KIF6: variants seen among roughly 807,000 people sequenced by gnomAD.
KIF6 encodes the protein kinesin-like protein KIF6.
A neutral mutation model predicts 112.7 loss-of-function variants in KIF6; 106 were observed. The observed-to-expected ratio is 0.94, with a 90% CI of 0.80 to 1.11. The LOEUF is 1.11. Ranked by LOEUF, KIF6 falls within the 50% of genes least tolerant of loss-of-function variation. The pLI is 0.00. For synonymous variants in KIF6, 339 were observed against 339.9 expected, an observed-to-expected ratio of 1.00 and a Z score of 0.03; for missense variants, 929 against 964.0, an observed-to-expected ratio of 0.96 and a Z score of 0.48.
At chr6:39,505,101 A>C (rs1180672555) in intron 13 of KIF6, among the ~76,000 whole-genome samples, 1 of 152,228 alleles carries the variant, frequency 6.6e-6, no homozygotes, top group Admixed American at 6.6e-5. Flanking sequence ...TTCAAACTAC[A>C]CTACAAGGCT....
At chr6:39,484,396 T>A (rs1774991701) in intron 13 of KIF6, among the ~76,000 whole-genome samples, 1 of 152,034 alleles carries the variant, frequency 6.6e-6, no homozygotes, top group African/African-American at 2.4e-5. Context: ...TGATAAGGTG[T>A]CATAAAAGCG....
chr6:39,400,154 C>A (rs1171922422), intron 15 of KIF6, among the ~76,000 whole-genome samples: 4 of 152,178 alleles, frequency 2.6e-5, no homozygotes, highest in African/African-American at 9.6e-5. Flanking sequence ...AGGAGACGCA[C>A]CCTGTTTGGC....
In KIF6 at chr6:39,724,084, C is replaced by T. The variant is rs561516372; in HGVS notation, c.66+1161G>A. Among the ~76,000 whole-genome samples, 4 of 152,242 alleles carry T rather than the reference C, an allele frequency of 2.6e-5. No homozygotes were observed. In the South Asian group the frequency reaches 8.3e-4, roughly 32 times the overall value. ...TGCAGATAAAGCACCTGTCAGGTGG[C>T]CATTTCTCAAGATACATAAGAATGA... On this transcript the variant is annotated intron_variant, in intron 1 of 22. Transcript: ENST00000287152.
chr6:39,403,208 A>T (rs1424474588), intron 15 of KIF6, among the ~76,000 whole-genome samples: 16 of 152,016 alleles, frequency 1.1e-4, no homozygotes, highest in Admixed American at 1.0e-3. Flanking sequence ...GGTAAAATTG[A>T]CTTGGGAGCA....
intron 19 of KIF6, among the ~76,000 whole-genome samples, chr6:39,352,368 A>T (rs2150240150): frequency 6.6e-6 from 1 of 152,308 alleles, no homozygotes. Flanking sequence ...TCATCTATGC[A>T]ACATTACAAT....
In KIF6 at chr6:39,575,521, T is replaced by C. The variant is rs187576102; in HGVS notation, c.1181+2535A>G. On this transcript the variant is annotated intron_variant, in intron 10 of 22. Transcript: ENST00000287152. The stretch of plus-strand genomic sequence containing the variant: ...TCCTGACTTTGTGATCCGCCCGCCT[T>C]GGCCTTCCAAAGTGCTGGGATTACA... 1.1e-3 allele frequency among the ~76,000 whole-genome samples: 174 copies of C among 152,222 alleles called. 2 individuals carry two copies. Among genetic ancestry groups the C allele is most frequent in the African/African-American group, 3.9e-3 (160 of 41,556 alleles).
intron 4 of KIF6, among the ~76,000 whole-genome samples, chr6:39,636,616 T>C (rs1784634179): frequency 1.3e-5 from 2 of 152,038 alleles, no homozygotes; most frequent in Admixed American, 1.3e-4. Flanking sequence ...AAATATTCCA[T>C]GGAATACTCC....
intron 13 of KIF6, among the ~76,000 whole-genome samples, chr6:39,536,207 T>A (rs1278060445): frequency 6.6e-6 from 1 of 151,036 alleles, no homozygotes; most frequent in African/African-American, 2.4e-5. Flanking sequence ...AAGAAATAAC[T>A]AAAATCAGAG....
At chr6:39,628,158 A>G (rs1784181146) in intron 5 of KIF6, among the ~76,000 whole-genome samples, 1 of 152,086 alleles carries the variant, frequency 6.6e-6, no homozygotes, top group Non-Finnish European at 1.5e-5. Flanking sequence ...TTGCAAAACT[A>G]TAGTATTAAA....
intron 13 of KIF6, among the ~76,000 whole-genome samples, chr6:39,536,444 C>A (rs897036054): frequency 6.6e-6 from 1 of 151,386 alleles, no homozygotes; most frequent in Non-Finnish European, 1.5e-5. Context: ...CAACTCTATG[C>A]AAATAAACTA....
chr6:39,424,704 G>A (rs11758910), intron 14 of KIF6, among the ~76,000 whole-genome samples: 7,119 of 152,206 alleles, frequency 0.047, 197 homozygotes, highest in African/African-American at 0.052. Context: ...ATGCAAATAT[G>A]TTTTGTGTGT....
At chr6:39,688,490 G>A (rs1787998419) in intron 3 of KIF6, among the ~76,000 whole-genome samples, 1 of 152,088 alleles carries the variant, frequency 6.6e-6, no homozygotes, top group Admixed American at 6.5e-5. Context: ...CGAGATAGAA[G>A]TTCACATGAA....
chr6:39,421,739 C>T (rs1310551609), intron 14 of KIF6, among the ~76,000 whole-genome samples: 2 of 152,182 alleles, frequency 1.3e-5, no homozygotes, highest in African/African-American at 4.8e-5. Flanking sequence ...TGTTCAGGCT[C>T]ATCGTAGATT....
chr6:39,444,618 A>G (rs1433094692), intron 13 of KIF6, among the ~76,000 whole-genome samples: 1 of 152,152 alleles, frequency 6.6e-6, no homozygotes, highest in African/African-American at 2.4e-5. Flanking sequence ...TTAGAGCCCC[A>G]GATGTTGGGC....
chr6:39,716,434 T>C (rs965514497), intron 2 of KIF6, among the ~76,000 whole-genome samples: 5 of 152,174 alleles, frequency 3.3e-5, no homozygotes, highest in Non-Finnish European at 7.4e-5. Context: ...AGCACCAAAG[T>C]TTACAATAAA....
intron 5 of KIF6, among the ~76,000 whole-genome samples, chr6:39,619,548 G>A (rs1783703503): frequency 6.6e-6 from 1 of 152,148 alleles, no homozygotes; most frequent in South Asian, 2.1e-4. Context: ...GGAACCAGCT[G>A]CACACTCTCC....
chr6:39,502,134 G>A (rs1333432651), intron 13 of KIF6, among the ~76,000 whole-genome samples: 1 of 152,126 alleles, frequency 6.6e-6, no homozygotes, highest in Non-Finnish European at 1.5e-5. Context: ...ACTAACAGTG[G>A]ATCTCTCAGT....
chr6:39,472,883 G>A lies in KIF6; in HGVS notation c.1646-41722C>T, dbSNP rs548363833. ...ATTTTCTTTTTTTTTTTTTTGAGAT[G>A]GAGTTTCACTCTTGCTGCCCAGGCT... On this transcript the variant is annotated intron_variant, in intron 13 of 22. Transcript: ENST00000287152. Among the ~76,000 whole-genome samples the A allele has an allele frequency of 1.5e-3, 115 of 74,380 alleles. 1 individual carries two copies. Among genetic ancestry groups the A allele is most frequent in the African/African-American group, 0.013 (112 of 8,772 alleles). 48.8% of individuals were successfully genotyped at this position (74,380 alleles called of 152,430 possible).
chr6:39,530,395 A>C (rs1316348455), intron 13 of KIF6, among the ~76,000 whole-genome samples: 1 of 152,222 alleles, frequency 6.6e-6, no homozygotes, highest in Non-Finnish European at 1.5e-5. Context: ...ACTAAAACAG[A>C]AAGAAATTTT....
Sources: allele counts gnomAD v4.1 joint callset (sites outside exome capture counted in the v4.1 genomes callset), GRCh38; gene constraint gnomAD v4.1.1; transcripts MANE v1.5; gene names NCBI Gene and HGNC (gene_info 2026-07-23, HGNC 2026-07-21).